STX2: variants seen among roughly 807,000 people sequenced by gnomAD.
The protein encoded by STX2 is syntaxin-2.
A neutral mutation model predicts 40.6 loss-of-function variants in STX2; 27 were observed. The ratio of observed to expected loss-of-function variants is 0.66; its 90% CI spans 0.49 to 0.92. The LOEUF (loss-of-function observed/expected upper bound fraction) is 0.92. Among genes scored for constraint, STX2 ranks in the 40% least tolerant of loss-of-function variants. The pLI, the probability that STX2 is intolerant of heterozygous loss-of-function variation, is 0.00. For missense variants in STX2, 328 were observed against 366.1 expected (o/e 0.90, Z 0.85); for synonymous variants, 123 against 119.1 (o/e 1.03, Z -0.22).
chr12:130,795,958 A>T, intron 10 of STX2, 37 bp downstream of exon 10: 5 of 1,577,210 alleles, frequency 3.2e-6, no homozygotes, highest in Non-Finnish European at 4.3e-6. Flanking sequence ...GGTTAATTGC[A>T]AAAGTTAATA....
chr12:130,824,067 C>T lies in STX2; in HGVS notation c.106-2279G>A, dbSNP rs73473052. Among the ~76,000 whole-genome samples the T allele has an allele frequency of 4.4e-3, 672 of 152,294 alleles. 9 individuals are homozygous for T. The highest frequency in any genetic ancestry group is 0.016 in the African/African-American group (649 of 41,562). ...CCCCAGGGACTCCTAACCCAAGCCCCGGACCAGATTTGAAAAGTCTAAGTA... is the reference window on the plus strand; with the variant it reads ...CCCCAGGGACTCCTAACCCAAGCCCTGGACCAGATTTGAAAAGTCTAAGTA... On this transcript the variant is annotated intron_variant, in intron 2 of 10. Transcript: ENST00000392373.
Position 130,796,556 on chromosome 12 carries a change from G to A in STX2, c.787-436C>T, listed in dbSNP as rs1311064565. 9.9e-5 allele frequency among the ~76,000 whole-genome samples: 15 copies of A among 152,196 alleles called. No homozygotes were observed. The East Asian group carries it at 2.9e-3, about 29-fold the overall frequency. On this transcript the variant is annotated intron_variant, in intron 9 of 10. Coordinates refer to ENST00000392373, the MANE Select transcript of STX2 (RefSeq NM_194356.4). ...TTTAGAAGCTAAGTTACAGGACACT[G>A]CTTAATACTGTTGGGCGACTTCTTG...
rs771311407 is a variant in STX2 at position 130,808,729 on chromosome 12, C to A, written c.281-25G>T. The A allele has an allele frequency of 3.8e-6, 6 of 1,571,508 alleles. 1 individual carries two copies. In the South Asian group the frequency reaches 5.8e-5, roughly 15 times the overall value. ...GCTAGGAACAAATAGGAAATAATTA[C>A]CTTCCAAATTTAAAAATGAAAATGT... On this transcript the variant is annotated intron_variant, in intron 4 of 10. Coordinates refer to ENST00000392373, the MANE Select transcript of STX2 (RefSeq NM_194356.4).
At chr12:130,823,377 T>C (rs1952187374) in intron 2 of STX2, among the ~76,000 whole-genome samples, 4 of 152,266 alleles carry the variant, frequency 2.6e-5, no homozygotes, top group South Asian at 4.1e-4. Context: ...CACACCCTAA[T>C]CCCAGAGCCT....
Position 130,806,966 on chromosome 12 carries a change from A to G in STX2, c.463+16T>C. ...AAAAACATGATTTTAACAAAGACGG[A>G]GTCTCCATTACTCACTTATCTCCAG... On this transcript the variant is annotated intron_variant, in intron 6 of 10. Coordinates refer to ENST00000392373, the MANE Select transcript of STX2 (RefSeq NM_194356.4). The G allele has an allele frequency of 1.2e-6, 2 of 1,604,422 alleles. No individual in the cohort carries two copies. The highest frequency in any genetic ancestry group is 2.2e-5 in the East Asian group (1 of 44,800).
intron 9 of STX2, chr12:130,798,298 C>A: frequency 2.9e-6 from 1 of 344,858 alleles, no homozygotes. Context: ...GCCACCACAC[C>A]CAGCCCTAGG....
intron 4 of STX2, among the ~76,000 whole-genome samples, chr12:130,811,118 G>C (rs1246833896): frequency 6.6e-6 from 1 of 152,162 alleles, no homozygotes; most frequent in East Asian, 1.9e-4. Flanking sequence ...AGCACTTTGG[G>C]AGGCTGAGAC....
chr12:130,817,911 G>C (rs375064407), intron 3 of STX2, among the ~76,000 whole-genome samples: 1 of 151,812 alleles, frequency 6.6e-6, no homozygotes, highest in African/African-American at 2.4e-5. Context: ...GAGAGGAACC[G>C]CAAGGGCAGG....
intron 1 of STX2, among the ~76,000 whole-genome samples, chr12:130,830,147 CACT>C (rs1261815463): frequency 3.3e-5 from 5 of 152,320 alleles, no homozygotes; most frequent in Non-Finnish European, 5.9e-5. Context: ...CACCACTTCC[CACT>C]ACTTCCTACC....
intron 1 of STX2, among the ~76,000 whole-genome samples, chr12:130,838,867 C>T (rs1381009489): frequency 2.6e-5 from 4 of 151,506 alleles, no homozygotes; most frequent in Non-Finnish European, 4.4e-5. Context: ...CCTAGGACTC[C>T]CGGGACCCCC....
At chr12:130,829,982 T>G (rs1456991037) in intron 1 of STX2, among the ~76,000 whole-genome samples, 1 of 152,198 alleles carries the variant, frequency 6.6e-6, no homozygotes, top group Non-Finnish European at 1.5e-5. Context: ...CCAGGAACTT[T>G]AGGTTCTAGA....
intron 8 of STX2, among the ~76,000 whole-genome samples, chr12:130,799,377 C>T (rs1312333598): frequency 2.6e-5 from 4 of 152,202 alleles, no homozygotes; most frequent in Non-Finnish European, 4.4e-5. Context: ...ATTTTTCTAA[C>T]GGAGCTTAAT....
chr12:130,802,885 T>C (rs76086029), intron 6 of STX2, among the ~76,000 whole-genome samples: 2,186 of 152,334 alleles, frequency 0.014, 60 homozygotes, highest in African/African-American at 0.05. Context: ...TCCATTTATA[T>C]GAAACATCCA....
intron 8 of STX2, among the ~76,000 whole-genome samples, chr12:130,799,043 T>C (rs898982526): frequency 6.6e-6 from 1 of 152,180 alleles, no homozygotes; most frequent in African/African-American, 2.4e-5. Flanking sequence ...AAGTAGAAAA[T>C]TGTAACTACT....
At chr12:130,792,152 C>G (rs570752403) in intron 10 of STX2, among the ~76,000 whole-genome samples, 175 bp from the exon 11 acceptor site, 1 of 152,212 alleles carries the variant, frequency 6.6e-6, no homozygotes, top group Non-Finnish European at 1.5e-5. Context: ...CCTCTGCCTT[C>G]CGGGTTCAAG....
chr12:130,811,794 C>G (rs907598841), intron 4 of STX2, among the ~76,000 whole-genome samples: 1 of 152,180 alleles, frequency 6.6e-6, no homozygotes. Context: ...CCCGCCTCGG[C>G]CTCCCAAAGT....
In STX2 at chr12:130,790,511, A is replaced by T. The variant is rs1221453784; in HGVS notation, c.*1512T>A. On this transcript the variant is annotated 3_prime_UTR_variant, in exon 11 of 11. Coordinates refer to ENST00000392373, the MANE Select transcript of STX2 (RefSeq NM_194356.4). ...GTTCATACATTTTACAAGTCTAAAA[A>T]TAAGTGATATTCTTCTACTAAAAAA... 6.6e-6 allele frequency: 1 copy of T among 152,250 alleles called. No individual in the cohort carries two copies. The highest frequency in any genetic ancestry group is 2.4e-5 in the African/African-American group (1 of 41,472). 9.4% of individuals were successfully genotyped at this position (152,250 alleles called of 1,614,324 possible). A position where few individuals can be genotyped will look rare whatever the true frequency, so the allele number is the denominator to read the frequency against.
chr12:130,821,572 G>T, intron 3 of STX2, 117 bp downstream of exon 3: 1 of 817,016 alleles, frequency 1.2e-6, no homozygotes, highest in Non-Finnish European at 2.0e-6. Flanking sequence ...TAGGGTGTCA[G>T]CATTTCATAC....
intron 1 of STX2, among the ~76,000 whole-genome samples, chr12:130,829,459 GCA>G (rs1336646225): frequency 1.3e-5 from 2 of 152,206 alleles, no homozygotes; most frequent in African/African-American, 4.8e-5. Context: ...GCTCTAACAA[GCA>G]CACTCTACCC....
Sources: gnomAD v4.1 joint callset for allele counts (sites outside exome capture counted in the v4.1 genomes callset) on GRCh38, gnomAD v4.1.1 for gene constraint, MANE v1.5 for transcripts, NCBI Gene and HGNC (gene_info 2026-07-23, HGNC 2026-07-21) for gene names.